KCNH7: variants seen among roughly 807,000 people sequenced by gnomAD.
KCNH7 encodes potassium voltage-gated channel subfamily H member 7.
A neutral mutation model predicts 120.8 loss-of-function variants in KCNH7; 49 were observed. The observed-to-expected ratio is 0.41, with a 90% confidence interval of 0.32 to 0.51. The LOEUF is 0.51. KCNH7 is among the 20% of genes least tolerant of loss of function. KCNH7 has a pLI of 0.38. For missense variants in KCNH7, 1,097 were observed against 1,446.6 expected, an observed-to-expected ratio of 0.76 and a Z score of 3.92; for synonymous variants, 547 against 516.1, an observed-to-expected ratio of 1.06 and a Z score of -0.81.
At chr2:162,720,174 G>A (rs1314630001) in intron 2 of KCNH7, among the ~76,000 whole-genome samples, 2 of 151,826 alleles carry the variant, frequency 1.3e-5, no homozygotes, top group African/African-American at 2.4e-5. Context: ...CAGCCCTAGT[G>A]AAGAAGATTT....
chr2:162,509,322 T>C (rs916505086), intron 5 of KCNH7, among the ~76,000 whole-genome samples: 1 of 151,516 alleles, frequency 6.6e-6, no homozygotes, highest in Admixed American at 6.6e-5. Context: ...AAAATAATGC[T>C]ACTTTAAAAA....
At chr2:162,575,758 A>T (rs1693648718) in intron 2 of KCNH7, among the ~76,000 whole-genome samples, 1 of 152,092 alleles carries the variant, frequency 6.6e-6, no homozygotes. Context: ...CTATTTGTGA[A>T]TTAACCAGAA....
intron 2 of KCNH7, among the ~76,000 whole-genome samples, chr2:162,571,953 A>G (rs544696036): frequency 5.9e-5 from 9 of 151,708 alleles, no homozygotes; most frequent in Non-Finnish European, 1.3e-4. Flanking sequence ...CTAGAAGAAA[A>G]CCTAGGCATT....
intron 2 of KCNH7, among the ~76,000 whole-genome samples, chr2:162,594,522 G>C (rs1407353118): frequency 6.6e-6 from 1 of 151,866 alleles, no homozygotes; most frequent in Non-Finnish European, 1.5e-5. Flanking sequence ...AAAAATATAG[G>C]CCAATATCTC....
intron 6 of KCNH7, among the ~76,000 whole-genome samples, chr2:162,475,551 C>A (rs972205524): frequency 3.3e-5 from 5 of 152,100 alleles, no homozygotes; most frequent in African/African-American, 1.2e-4. Flanking sequence ...TACAGTACAG[C>A]CAAGTGACTG....
At chr2:162,425,689 G>A (rs533901267) in intron 8 of KCNH7, among the ~76,000 whole-genome samples, 3 of 152,150 alleles carry the variant, frequency 2.0e-5, no homozygotes, top group African/African-American at 4.8e-5. Flanking sequence ...TAAACCACAC[G>A]TGATCAGGAA....
chr2:162,793,182 A>T lies in KCNH7; in HGVS notation c.307+43355T>A, dbSNP rs546957913. 4.6e-5 allele frequency among the ~76,000 whole-genome samples: 7 copies of T among 152,110 alleles called. No individual in the cohort carries two copies. In the South Asian group the frequency reaches 1.5e-3, roughly 32 times the overall value. ...GGAGCTGGAGGCCATTATCCTTAGC[A>T]AACTAGCACAGGGACAGAAAACTAA... On this transcript the variant is annotated intron_variant, in intron 2 of 15. Transcript: ENST00000332142.
At chr2:162,416,667 A>G (rs1054764584) in intron 9 of KCNH7, among the ~76,000 whole-genome samples, 2 of 152,170 alleles carry the variant, frequency 1.3e-5, no homozygotes, top group African/African-American at 4.8e-5. Flanking sequence ...GAAGATTAAC[A>G]GAAGAGAGGG....
intron 2 of KCNH7, among the ~76,000 whole-genome samples, chr2:162,690,675 T>C (rs1686069321): frequency 6.6e-6 from 1 of 152,130 alleles, no homozygotes; most frequent in African/African-American, 2.4e-5. Context: ...TCTGCTGGCA[T>C]CCTGGGACTT....
intron 6 of KCNH7, among the ~76,000 whole-genome samples, chr2:162,494,515 G>A (rs1383911992): frequency 6.6e-6 from 1 of 152,096 alleles, no homozygotes; most frequent in Admixed American, 6.6e-5. Flanking sequence ...TGAACAATAA[G>A]TGTATATGTT....
chr2:162,591,555 T>C (rs550780258), intron 2 of KCNH7, among the ~76,000 whole-genome samples: 15 of 151,976 alleles, frequency 9.9e-5, no homozygotes, highest in Non-Finnish European at 1.6e-4. Flanking sequence ...AGTACCTTCA[T>C]AGTGGTGCAA....
intron 2 of KCNH7, among the ~76,000 whole-genome samples, chr2:162,676,022 C>T (rs1018343210): frequency 4.0e-5 from 6 of 151,394 alleles, no homozygotes; most frequent in African/African-American, 1.5e-4. Flanking sequence ...TAGAAATATG[C>T]TATCTGGGAC....
intron 2 of KCNH7, among the ~76,000 whole-genome samples, chr2:162,609,970 A>G (rs1682908924): frequency 6.6e-6 from 1 of 152,196 alleles, no homozygotes; most frequent in Non-Finnish European, 1.5e-5. Flanking sequence ...GAGGGTTCAG[A>G]TTCTAAGCTA....
chr2:162,404,608 C>T (rs1687154208), intron 9 of KCNH7, among the ~76,000 whole-genome samples: 1 of 151,864 alleles, frequency 6.6e-6, no homozygotes, highest in South Asian at 2.1e-4. Flanking sequence ...GCTCCTGCTC[C>T]TGCCATGTGA....
At chr2:162,467,609 T>A (rs1319517014) in intron 6 of KCNH7, among the ~76,000 whole-genome samples, 1 of 152,196 alleles carries the variant, frequency 6.6e-6, no homozygotes, top group Non-Finnish European at 1.5e-5. Flanking sequence ...CTGTAAACTG[T>A]GAAGCAGGTA....
At chr2:162,498,925 C>T (rs2105738988) in intron 6 of KCNH7, among the ~76,000 whole-genome samples, 1 of 152,132 alleles carries the variant, frequency 6.6e-6, no homozygotes, top group East Asian at 1.9e-4. Flanking sequence ...AGTAATATGG[C>T]CCAATAAACT....
intron 9 of KCNH7, among the ~76,000 whole-genome samples, chr2:162,414,984 T>C (rs933795965): frequency 1.3e-5 from 2 of 151,980 alleles, no homozygotes; most frequent in African/African-American, 2.4e-5. Flanking sequence ...GTCCCACCAA[T>C]TGATAGAAAT....
chr2:162,596,645 C>T (rs1422685288), intron 2 of KCNH7, among the ~76,000 whole-genome samples: 1 of 151,940 alleles, frequency 6.6e-6, no homozygotes, highest in Admixed American at 6.6e-5. Context: ...TTGATCTGAT[C>T]AATAATCTCT....
intron 6 of KCNH7, among the ~76,000 whole-genome samples, chr2:162,503,716 T>C (rs1690768048): frequency 6.6e-6 from 1 of 152,000 alleles, no homozygotes; most frequent in Admixed American, 6.6e-5. Flanking sequence ...GCTAAGCAAA[T>C]ATACCGAGTA....
Sources: gnomAD v4.1 joint callset for allele counts (sites outside exome capture counted in the v4.1 genomes callset) on GRCh38, gnomAD v4.1.1 for gene constraint, MANE v1.5 for transcripts, NCBI Gene and HGNC (gene_info 2026-07-23, HGNC 2026-07-21) for gene names.